FOXK1: variants seen among roughly 807,000 people sequenced by gnomAD.
FOXK1 encodes forkhead box protein K1.
In FOXK1, 19 loss-of-function variants were observed where a neutral mutation model predicts 51.9. The observed-to-expected ratio is 0.37, with a 90% confidence interval of 0.26 to 0.54. FOXK1 has a LOEUF of 0.54. FOXK1 is among the 20% of genes least tolerant of loss of function. FOXK1 has a pLI of 0.87. For missense variants in FOXK1, 870 were observed against 1,032.7 expected (o/e 0.84, Z 2.16); for synonymous variants, 537 against 482.6 (o/e 1.11, Z -1.48).
intron 1 of FOXK1, among the ~76,000 whole-genome samples, chr7:4,712,090 A>G (rs1237109377): frequency 6.6e-6 from 1 of 151,286 alleles, no homozygotes; most frequent in Non-Finnish European, 1.5e-5. Flanking sequence ...CTTTTTATCC[A>G]TCATCTAATT....
At chr7:4,699,252 G>A (rs528342935) in intron 1 of FOXK1, among the ~76,000 whole-genome samples, 1 of 150,896 alleles carries the variant, frequency 6.6e-6, no homozygotes, top group Non-Finnish European at 1.5e-5. Flanking sequence ...ATCTTTGGCC[G>A]TGGGACTCGT....
intron 2 of FOXK1, among the ~76,000 whole-genome samples, chr7:4,744,766 G>A (rs1479034836): frequency 5.3e-5 from 8 of 152,214 alleles, no homozygotes; most frequent in Admixed American, 2.6e-4. Flanking sequence ...GAAGGTGGGG[G>A]GCCACCCCTT....
chr7:4,687,854 T>C (rs1453768380), intron 1 of FOXK1, among the ~76,000 whole-genome samples: 2 of 152,136 alleles, frequency 1.3e-5, no homozygotes, highest in African/African-American at 2.4e-5. Flanking sequence ...TACTTTTCTG[T>C]GTTTTCCATG....
At chr7:4,700,139 C>T (rs1338443114) in intron 1 of FOXK1, among the ~76,000 whole-genome samples, 1 of 152,220 alleles carries the variant, frequency 6.6e-6, no homozygotes, top group East Asian at 1.9e-4. Flanking sequence ...CAGCACCCCA[C>T]GGCACCCTGT....
At position 4,720,828 on chromosome 7, in the gene FOXK1, C is replaced by A. The variant is rs148193583; in HGVS notation, c.561-20010C>A. ...CTACCTCCTGGGTTCAAGCGATTCT[C>A]CTGCCTCAGCCTCCTGAGCACCTGG... On this transcript the variant is annotated intron_variant, in intron 1 of 8. Transcript: ENST00000328914. Among the ~76,000 whole-genome samples the A allele has an allele frequency of 5.3e-3, 800 of 151,780 alleles. 7 individuals carry two copies. The highest frequency in any genetic ancestry group is 0.018 in the African/African-American group (759 of 41,378).
chr7:4,743,916 G>A lies in FOXK1; in HGVS notation c.746+2893G>A, dbSNP rs957655028. Among the ~76,000 whole-genome samples, 8 of 148,912 alleles carry A rather than the reference G, an allele frequency of 5.4e-5. No homozygotes were observed. The highest frequency in any genetic ancestry group is 1.7e-4 in the African/African-American group (7 of 40,202). Reference sequence around the variant, plus strand: ...TTTTGAGACGGAGTCTTGCTCTGTCGCCCAGGCTGGAGTGCAGTGGCGTGA... The same window carrying A: ...TTTTGAGACGGAGTCTTGCTCTGTCACCCAGGCTGGAGTGCAGTGGCGTGA... On this transcript the variant is annotated intron_variant, in intron 2 of 8. Transcript: ENST00000328914. The surrounding 1 kb of genome is among the most constrained non-coding windows in gnomAD (Gnocchi z 5.3).
Position 4,683,147 on chromosome 7 carries a change from C to T in FOXK1, c.560+279C>T, listed in dbSNP as rs1779775086. ...ATACCCCGTCGCCCCCGACCCCCACCGGCCTGGACTCTGGGGTCAGCCCTG... is the reference window on the plus strand; with the variant it reads ...ATACCCCGTCGCCCCCGACCCCCACTGGCCTGGACTCTGGGGTCAGCCCTG... On this transcript the variant is annotated intron_variant, in intron 1 of 8. Coordinates refer to ENST00000328914, the MANE Select transcript of FOXK1 (RefSeq NM_001037165.2). This position sits in a 1 kb window ranked among gnomAD's most constrained non-coding sequence, Gnocchi z 4.5. 2.0e-5 allele frequency among the ~76,000 whole-genome samples: 3 copies of T among 152,004 alleles called. No individual in the cohort carries two copies. Among genetic ancestry groups the T allele is most frequent in the Non-Finnish European group, 4.4e-5 (3 of 67,966 alleles).
intron 1 of FOXK1, among the ~76,000 whole-genome samples, chr7:4,737,333 G>C (rs990830101): frequency 6.6e-6 from 1 of 152,190 alleles, no homozygotes; most frequent in African/African-American, 2.4e-5. Context: ...GAGGGAACTG[G>C]AGAAAAGAGA....
rs898621261 is a variant in FOXK1, at chr7:4,707,256, G to T, written c.560+24388G>T. 2.0e-5 allele frequency among the ~76,000 whole-genome samples: 3 copies of T among 152,160 alleles called. No individual in the cohort carries two copies. Among genetic ancestry groups the T allele is most frequent in the African/African-American group, 7.2e-5 (3 of 41,446 alleles). ...TCAGGGCGTTCGGGGTGGTGTTCTG[G>T]TGGAGGGGACGCTGGTAAAGAGCAG... On this transcript the variant is annotated intron_variant, in intron 1 of 8. Coordinates refer to ENST00000328914, the MANE Select transcript of FOXK1 (RefSeq NM_001037165.2). This position sits in a 1 kb window ranked among gnomAD's most constrained non-coding sequence, Gnocchi z 4.1.
At chr7:4,739,277 C>T (rs180773476) in intron 1 of FOXK1, among the ~76,000 whole-genome samples, 77 of 152,316 alleles carry the variant, frequency 5.1e-4, no homozygotes, top group Non-Finnish European at 7.1e-4. Context: ...GCATTATCAC[C>T]GGTGGCTTAT....
intron 1 of FOXK1, among the ~76,000 whole-genome samples, chr7:4,685,225 T>A (rs1779803784): frequency 6.7e-6 from 1 of 149,268 alleles, no homozygotes; most frequent in Non-Finnish European, 1.5e-5. Flanking sequence ...TATTTGCTTT[T>A]TTTTTTTTTT....
At chr7:4,717,227 G>A (rs1310190024) in intron 1 of FOXK1, among the ~76,000 whole-genome samples, 1 of 139,288 alleles carries the variant, frequency 7.2e-6, no homozygotes, top group Non-Finnish European at 1.6e-5. Context: ...CTGGAAGGTG[G>A]TGGCGAGAGG....
At position 4,684,073 on chromosome 7, in the gene FOXK1, C is replaced by T. The variant is rs536924229; in HGVS notation, c.560+1205C>T. On this transcript the variant is annotated intron_variant, in intron 1 of 8. Transcript: ENST00000328914. ...TAGCATCCCGTGGTCACCTCCCGCC[C>T]ATTCCGGTTCCCTCCTTTCCAGCTC... is the stretch of plus-strand genomic sequence containing the variant. Among the ~76,000 whole-genome samples the T allele has an allele frequency of 3.3e-5, 5 of 152,314 alleles. No homozygotes were observed. The South Asian group carries it at 6.2e-4, about 19-fold the overall frequency.
At position 4,743,070 on chromosome 7, in the gene FOXK1, C is replaced by T. The variant is rs1038280043; in HGVS notation, c.746+2047C>T. Among the ~76,000 whole-genome samples the T allele has an allele frequency of 6.6e-6, 1 of 152,174 alleles. No individual in the cohort carries two copies. Among genetic ancestry groups the T allele is most frequent in the Non-Finnish European group, 1.5e-5 (1 of 68,038 alleles). ...GTTCCCGTCTGAGTCAGTGCTGTGA[C>T]GTCATGACCCTCTGGGATGATGATG... is the stretch of plus-strand genomic sequence containing the variant. On this transcript the variant is annotated intron_variant, in intron 2 of 8. Transcript: ENST00000328914. The surrounding 1 kb of genome is among the most constrained non-coding windows in gnomAD (Gnocchi z 5.3).
rs1014156996 is a variant in FOXK1, at chr7:4,730,324, G to A, written c.561-10514G>A. 6.6e-6 allele frequency among the ~76,000 whole-genome samples: 1 copy of A among 152,188 alleles called. No homozygotes were observed. Among genetic ancestry groups the A allele is most frequent in the African/African-American group, 2.4e-5 (1 of 41,444 alleles). On this transcript the variant is annotated intron_variant, in intron 1 of 8. Transcript: ENST00000328914. The surrounding 1 kb of genome is among the most constrained non-coding windows in gnomAD (Gnocchi z 4.7). ...AGTACACTCGGCCAGGGTGAGTGAT[G>A]GGCAGGCACAGAGCTGTGTCTCTGA... is the stretch of plus-strand genomic sequence containing the variant.
chr7:4,733,404 A>G lies in FOXK1; in HGVS notation c.561-7434A>G, dbSNP rs1194664889. 6.6e-6 allele frequency among the ~76,000 whole-genome samples: 1 copy of G among 152,180 alleles called. No individual in the cohort carries two copies. The highest frequency in any genetic ancestry group is 2.4e-5 in the African/African-American group (1 of 41,454). On this transcript the variant is annotated intron_variant, in intron 1 of 8. Coordinates refer to ENST00000328914, the MANE Select transcript of FOXK1 (RefSeq NM_001037165.2). The surrounding 1 kb of genome is among the most constrained non-coding windows in gnomAD (Gnocchi z 5.0). ...CTATTACGTTGCTTGTTGCTCCGTT[A>G]TGCAGTGTGCCTTTATGGTCCACTG... is the stretch of plus-strand genomic sequence containing the variant.
intron 1 of FOXK1, among the ~76,000 whole-genome samples, chr7:4,737,703 C>T (rs909487720): frequency 3.9e-5 from 6 of 152,212 alleles, no homozygotes; most frequent in Non-Finnish European, 8.8e-5. Context: ...TCCTTGCTTC[C>T]CTAGGTCAGG....
intron 1 of FOXK1, among the ~76,000 whole-genome samples, chr7:4,705,542 T>TCGCTCTCG (rs1437460161): frequency 6.8e-6 from 1 of 147,384 alleles, no homozygotes. Flanking sequence ...TCTCTCTCTC[T>TCGCTCTCG]CTCTCTCTCT....
rs372184078 is a variant in FOXK1 at position 4,734,876 on chromosome 7, G to T, written c.561-5962G>T. ...TCCGCTGGGAGAGACGGGGCGAGGG[G>T]ACAGCGGTGGACAGGAGCGATCTGT... On this transcript the variant is annotated intron_variant, in intron 1 of 8. Transcript: ENST00000328914. The surrounding 1 kb of genome is among the most constrained non-coding windows in gnomAD (Gnocchi z 5.2). 2.6e-5 allele frequency among the ~76,000 whole-genome samples: 4 copies of T among 152,216 alleles called. No homozygotes were observed. Among genetic ancestry groups the T allele is most frequent in the African/African-American group, 7.2e-5 (3 of 41,456 alleles).
Sources: gnomAD v4.1 joint callset for allele counts (sites outside exome capture counted in the v4.1 genomes callset) on GRCh38, gnomAD v4.1.1 for gene constraint, Gnocchi (gnomAD v3.1) non-coding constraint, MANE v1.5 for transcripts, NCBI Gene and HGNC (gene_info 2026-07-23, HGNC 2026-07-21) for gene names.